The following SGMS2 variants were observed in gnomAD, a reference collection of about 807,000 sequenced individuals.
SGMS2 encodes the protein sphingomyelin synthase 2, also known as phosphatidylcholine:ceramide cholinephosphotransferase 2.
A neutral mutation model predicts 43.8 loss-of-function variants in SGMS2; 21 were observed. The ratio of observed to expected loss-of-function variants is 0.48; its 90% CI spans 0.34 to 0.69. The LOEUF is 0.69. Among genes scored for constraint, SGMS2 ranks in the 30% least tolerant of loss-of-function variants. SGMS2 has a pLI of 0.01. For missense variants in SGMS2, 384 were observed against 443.2 expected (o/e 0.87, Z 1.20); for synonymous variants, 167 against 160.6 (o/e 1.04, Z -0.30).
At position 107,849,087 on chromosome 4, in the gene SGMS2, A is replaced by G. The variant is rs532664159; in HGVS notation, c.-326-9385A>G. 1.6e-3 allele frequency among the ~76,000 whole-genome samples: 245 copies of G among 152,256 alleles called. 1 individual carries two copies. The highest frequency in any genetic ancestry group is 5.5e-3 in the African/African-American group (230 of 41,554). On this transcript the variant is annotated intron_variant, in intron 1 of 6. Transcript: ENST00000690982. ...ATTCGTTGAGAAGACTATCCTGAGA[A>G]GCAGTACTTTCAACATGCAGAGAAA...
chr4:107,835,467 T>A (rs992664798), intron 1 of SGMS2, among the ~76,000 whole-genome samples: 15 of 152,182 alleles, frequency 9.9e-5, no homozygotes, highest in Non-Finnish European at 2.2e-4. Context: ...AAAAACTCGA[T>A]GTGGGAGGAT....
chr4:107,884,503 G>T (rs541481573), intron 2 of SGMS2, among the ~76,000 whole-genome samples: 9 of 152,064 alleles, frequency 5.9e-5, no homozygotes, highest in Admixed American at 3.3e-4. Context: ...TAAACAAAGG[G>T]GGGGGAAATG....
intron 1 of SGMS2, among the ~76,000 whole-genome samples, chr4:107,832,607 T>C (rs1725951766): frequency 6.6e-6 from 1 of 152,214 alleles, no homozygotes; most frequent in Admixed American, 6.5e-5. Context: ...GTTTGGGCCC[T>C]ATTTGTGTCT....
At chr4:107,872,136 A>G (rs1275377972) in intron 2 of SGMS2, among the ~76,000 whole-genome samples, 2 of 152,198 alleles carry the variant, frequency 1.3e-5, no homozygotes, top group African/African-American at 4.8e-5. Context: ...ACAGGTTTCT[A>G]GAGGGCATTT....
intron 4 of SGMS2, among the ~76,000 whole-genome samples, chr4:107,900,820 T>C (rs1731057005): frequency 6.6e-6 from 1 of 152,196 alleles, no homozygotes; most frequent in South Asian, 2.1e-4. Context: ...AATATAGGTG[T>C]GGTTTGGAGA....
rs2125975946 is a variant in SGMS2 at position 107,824,995 on chromosome 4, T to G, written c.-585T>G. On this transcript the variant is annotated 5_prime_UTR_variant, in exon 1 of 7. Transcript: ENST00000690982. ...CCCAGCCCTCGGCGCGCACGGAGCC[T>G]GGCCGGTGCTGCAGCGCCGCCGAGT... is the stretch of plus-strand genomic sequence containing the variant. 1 of 151,566 alleles carries G rather than the reference T, an allele frequency of 6.6e-6. No individual in the cohort carries two copies. Among genetic ancestry groups the G allele is most frequent in the African/African-American group, 2.4e-5 (1 of 41,398 alleles). The allele number at this position is 151,566 out of a possible 1,614,324, so 9.4% of individuals were successfully genotyped here.
chr4:107,887,141 A>T lies in SGMS2; in HGVS notation c.-244-8169A>T, dbSNP rs111890493. Among the ~76,000 whole-genome samples, 675 of 152,292 alleles carry T rather than the reference A, an allele frequency of 4.4e-3. 8 individuals carry two copies. The highest frequency in any genetic ancestry group is 0.015 in the African/African-American group (626 of 41,564). On this transcript the variant is annotated intron_variant, in intron 2 of 6. Coordinates refer to ENST00000690982, the MANE Select transcript of SGMS2 (RefSeq NM_001375905.1). ...TTCCTGTTCTGCTTAATATTCATGA[A>T]CATTTCAGCTCTCCATGAGTCCTGA...
chr4:107,881,323 T>G (rs1042762599), intron 2 of SGMS2, among the ~76,000 whole-genome samples: 6 of 152,138 alleles, frequency 3.9e-5, no homozygotes, highest in Non-Finnish European at 7.3e-5. Context: ...TTGTTGATCT[T>G]TTCATATGGA....
At chr4:107,886,469 C>T (rs982390262) in intron 2 of SGMS2, among the ~76,000 whole-genome samples, 6 of 150,154 alleles carry the variant, frequency 4.0e-5, no homozygotes, top group African/African-American at 1.2e-4. Flanking sequence ...CTGCCTTGGC[C>T]TCCCAAAGTA....
intron 1 of SGMS2, among the ~76,000 whole-genome samples, chr4:107,838,113 AAC>A (rs1726295787): frequency 6.6e-6 from 1 of 152,174 alleles, no homozygotes. Context: ...CCTGAGGAAT[AAC>A]AGTTAATAGG....
chr4:107,856,925 TG>T (rs555061348), intron 1 of SGMS2, among the ~76,000 whole-genome samples: 297 of 152,336 alleles, frequency 1.9e-3, no homozygotes, highest in Non-Finnish European at 2.6e-3. Flanking sequence ...CAGTAGTTTT[TG>T]GTGTATTCAG....
At chr4:107,893,572 A>G (rs1730420284) in intron 2 of SGMS2, 1 of 152,248 alleles carries the variant, frequency 6.6e-6, no homozygotes, top group Non-Finnish European at 1.5e-5. Flanking sequence ...TGGGCCTGTC[A>G]AAGCCTGGGA....
At chr4:107,865,245 G>A (rs1728030488) in intron 2 of SGMS2, among the ~76,000 whole-genome samples, 1 of 152,170 alleles carries the variant, frequency 6.6e-6, no homozygotes, top group Non-Finnish European at 1.5e-5. Context: ...CATGTATGAT[G>A]TTAAAACTGG....
intron 2 of SGMS2, among the ~76,000 whole-genome samples, chr4:107,894,854 G>GT (rs201137766): frequency 1.6e-4 from 3 of 18,374 alleles, no homozygotes; most frequent in Non-Finnish European, 7.5e-4. Context: ...TTTGACAAAT[G>GT]AAGAGTAACA....
In SGMS2 at chr4:107,895,685, C is replaced by T; in HGVS notation, c.132C>T (p.Ser44=). 3 of 1,613,996 alleles carry T rather than the reference C, an allele frequency of 1.9e-6. No individual in the cohort carries two copies. The highest frequency in any genetic ancestry group is 2.7e-5 in the African/African-American group (2 of 75,040). The part of the protein sequence containing the change: ...ENKNGNGKPK[S]LSSGLRKGTK... Reference sequence around the variant, plus strand: ...AAAATGGCAATGGTAAACCCAAGAGCTTATCCAGTGGGCTGCGAAAAGGCA... The same window carrying T: ...AAAATGGCAATGGTAAACCCAAGAGTTTATCCAGTGGGCTGCGAAAAGGCA... The change falls in exon 3 of 7, where the codon AGC becomes AGT. Residue 44 remains serine, a synonymous_variant. Transcript: ENST00000690982.
chr4:107,889,255 A>C (rs1411962935), intron 2 of SGMS2, among the ~76,000 whole-genome samples: 2 of 152,188 alleles, frequency 1.3e-5, no homozygotes, highest in Non-Finnish European at 2.9e-5. Flanking sequence ...TTACACAAGG[A>C]AAGTTCATTC....
intron 1 of SGMS2, among the ~76,000 whole-genome samples, chr4:107,827,271 T>A (rs1337260070): frequency 1.3e-5 from 2 of 152,204 alleles, no homozygotes; most frequent in Non-Finnish European, 2.9e-5. Flanking sequence ...AGATATTTAT[T>A]TGCTTAACGT....
intron 1 of SGMS2, among the ~76,000 whole-genome samples, chr4:107,852,310 C>G (rs1727196185): frequency 2.0e-5 from 3 of 151,678 alleles, no homozygotes; most frequent in Admixed American, 2.0e-4. Flanking sequence ...ATTTCCTGAC[C>G]CCGTGATCCG....
At chr4:107,901,671 C>T (rs1246886407) in intron 4 of SGMS2, among the ~76,000 whole-genome samples, 3 of 152,216 alleles carry the variant, frequency 2.0e-5, no homozygotes, top group Non-Finnish European at 4.4e-5. Flanking sequence ...CTTCAACCTC[C>T]AACCCAAGTT....
Sources: gnomAD v4.1 joint callset for allele counts (sites outside exome capture counted in the v4.1 genomes callset) on GRCh38, gnomAD v4.1.1 for gene constraint, MANE v1.5 for transcripts, NCBI Gene and HGNC (gene_info 2026-07-23, HGNC 2026-07-21) for gene names.